Variants in GSDMC observed in about 807,000 individuals in gnomAD.
GSDMC encodes the protein gasdermin-C.
Under a neutral mutation model 58.0 loss-of-function variants are expected in GSDMC, and 59 were observed. The ratio of observed to expected loss-of-function variants is 1.02; its 90% CI spans 0.82 to 1.26. GSDMC has a LOEUF of 1.26. Ranked by LOEUF, GSDMC falls within the 50% of genes most tolerant of loss-of-function variation. GSDMC has a pLI of 0.00. For synonymous variants in GSDMC, 241 were observed against 220.2 expected, an observed-to-expected ratio of 1.09 and a Z score of -0.83; for missense variants, 659 against 598.5, an observed-to-expected ratio of 1.10 and a Z score of -1.06.
intron 10 of GSDMC, 150 bp downstream of exon 10, chr8:129,751,392 G>T: frequency 1.5e-6 from 1 of 659,960 alleles, no homozygotes; most frequent in Non-Finnish European, 2.7e-6. Context: ...TGTCCAATAA[G>T]TCCTCAATAA....
chr8:129,750,324 C>A, intron 11 of GSDMC, 107 bp downstream of exon 11: 2 of 1,236,738 alleles, frequency 1.6e-6, no homozygotes, highest in Non-Finnish European at 1.1e-6. Context: ...TCTCATTCCC[C>A]TGGCATCTTG....
the GSDMC span, among the ~76,000 whole-genome samples, chr8:129,713,219 T>C: frequency 7.9e-5 from 12 of 152,328 alleles, no homozygotes; most frequent in African/African-American, 2.6e-4. Context: ...CTGACAGAGA[T>C]GTCTCTGAGA....
chr8:129,752,771 C>T lies in GSDMC; in HGVS notation c.771G>A (p.Gly257=), dbSNP rs1220057471. 6.2e-7 allele frequency: 1 copy of T among 1,614,072 alleles called. No homozygotes were observed. The highest frequency in any genetic ancestry group is 1.7e-5 in the Admixed American group (1 of 60,006). The change falls in exon 7 of 14, where the codon GGG becomes GGA. Residue 257 remains glycine, a synonymous_variant. Coordinates refer to ENST00000276708, the MANE Select transcript of GSDMC (RefSeq NM_031415.3). ...MVGYCAARSE[G]LLPSFHTISP... Reference sequence around the variant, plus strand: ...AGATGGTATGAAATGATGGTAGCAACCCCTCACTCCTCGCAGCACAGTAGC... The same window carrying T: ...AGATGGTATGAAATGATGGTAGCAATCCCTCACTCCTCGCAGCACAGTAGC...
intron 3 of GSDMC, among the ~76,000 whole-genome samples, chr8:129,770,414 T>C (rs1488484423): frequency 6.6e-6 from 1 of 152,138 alleles, no homozygotes; most frequent in African/African-American, 2.4e-5. Flanking sequence ...GAGAATTGCT[T>C]AAACCTAGGA....
the GSDMC span, among the ~76,000 whole-genome samples, chr8:129,720,622 C>T: frequency 4.6e-5 from 7 of 152,202 alleles, 1 homozygote; most frequent in South Asian, 1.5e-3. Flanking sequence ...TCTACATTTG[C>T]AATAATGTCA....
At chr8:129,734,097 GAGATAAAGTGAGA>G in the GSDMC span, among the ~76,000 whole-genome samples, 2 of 152,204 alleles carry the variant, frequency 1.3e-5, no homozygotes, top group Non-Finnish European at 2.9e-5. Flanking sequence ...TCAAATTAAT[GAGATAAAGTGAGA>G]AGAGAAGTTT....
the GSDMC span, among the ~76,000 whole-genome samples, chr8:129,727,874 C>A: frequency 6.6e-6 from 1 of 152,192 alleles, no homozygotes; most frequent in Non-Finnish European, 1.5e-5. Context: ...AAAGCTGCTA[C>A]AGCTGCAGTT....
chr8:129,749,666 C>A (rs1206906006), intron 12 of GSDMC, 141 bp from the exon 13 acceptor site: 12 of 676,320 alleles, frequency 1.8e-5, no homozygotes, highest in South Asian at 3.5e-5. Flanking sequence ...AAGCTCCCTG[C>A]CCTGGGAAGC....
chr8:129,757,555 C>G (rs1402124921), intron 6 of GSDMC, among the ~76,000 whole-genome samples: 1 of 151,788 alleles, frequency 6.6e-6, no homozygotes, highest in East Asian at 1.9e-4. Context: ...TTCTATGAGG[C>G]CAGTATTACC....
the GSDMC span, among the ~76,000 whole-genome samples, chr8:129,734,453 G>A: frequency 6.6e-6 from 1 of 152,310 alleles, no homozygotes; most frequent in East Asian, 1.9e-4. Context: ...ACAAAAGGAA[G>A]TCCAACAGAC....
chr8:129,768,780 A>G (rs2033952205), intron 3 of GSDMC, among the ~76,000 whole-genome samples: 3 of 152,214 alleles, frequency 2.0e-5, no homozygotes, highest in Admixed American at 2.0e-4. Context: ...TAAAAAGCTT[A>G]TTTGTAGAAA....
chr8:129,713,313 C>T, the GSDMC span, among the ~76,000 whole-genome samples: 1 of 152,124 alleles, frequency 6.6e-6, no homozygotes, highest in Non-Finnish European at 1.5e-5. Flanking sequence ...TGTGACTGGC[C>T]GTGGGGAGGC....
the GSDMC span, among the ~76,000 whole-genome samples, chr8:129,741,980 C>T: frequency 6.3e-5 from 9 of 143,916 alleles, no homozygotes; most frequent in Non-Finnish European, 1.0e-4. Flanking sequence ...GATATGCTTT[C>T]ATTTGTGACA....
intron 6 of GSDMC, 130 bp downstream of exon 6, chr8:129,760,415 C>G (rs1460154850): frequency 3.8e-6 from 2 of 529,132 alleles, no homozygotes; most frequent in African/African-American, 1.9e-5. Flanking sequence ...GATGAATACT[C>G]CATTTTCCAT....
chr8:129,719,482 G>A, the GSDMC span, among the ~76,000 whole-genome samples: 2 of 152,152 alleles, frequency 1.3e-5, no homozygotes, highest in South Asian at 4.1e-4. Flanking sequence ...CAGAAGATTG[G>A]TAAGGAAACT....
chr8:129,775,438 C>G (rs1842793), intron 3 of GSDMC, among the ~76,000 whole-genome samples: 22,919 of 152,008 alleles, frequency 0.15, 2,097 homozygotes, highest in Non-Finnish European at 0.2. Context: ...TGGTCAAAGG[C>G]AACACAGACT....
chr8:129,781,331 T>A (rs560599929), intron 1 of GSDMC, among the ~76,000 whole-genome samples: 77 of 152,142 alleles, frequency 5.1e-4, no homozygotes, highest in African/African-American at 1.7e-3. Context: ...AACACAGGAA[T>A]GGAAAATATA....
intron 3 of GSDMC, among the ~76,000 whole-genome samples, chr8:129,768,612 G>C (rs1184700130): frequency 6.6e-6 from 1 of 152,080 alleles, no homozygotes. Context: ...TCAAGCAAAA[G>C]GAAGAATTAG....
chr8:129,751,933 A>G, intron 8 of GSDMC, 42 bp from the exon 9 acceptor site: 1 of 1,592,560 alleles, frequency 6.3e-7, no homozygotes. Context: ...AGGCTCAAAG[A>G]CTAGATTTCT....
Sources: allele counts gnomAD v4.1 joint callset (sites outside exome capture counted in the v4.1 genomes callset), GRCh38; gene constraint gnomAD v4.1.1; transcripts MANE v1.5; gene names NCBI Gene and HGNC (gene_info 2026-07-23, HGNC 2026-07-21).